IQGAP1: variants seen among roughly 807,000 people sequenced by gnomAD.
IQGAP1 encodes the protein IQ motif containing GTPase activating protein 1.
A neutral mutation model predicts 215.6 loss-of-function variants in IQGAP1; 66 were observed. That is an observed-to-expected ratio of 0.31 (90% CI 0.25 to 0.38). The LOEUF (loss-of-function observed/expected upper bound fraction) is 0.38, where lower values mean the gene tolerates loss of function less well. IQGAP1 is among the 10% of genes least tolerant of loss of function. IQGAP1 has a pLI of 1.00. For missense variants in IQGAP1, 1,712 were observed against 1,997.1 expected, an observed-to-expected ratio of 0.86 and a Z score of 2.72; for synonymous variants, 772 against 728.7, an observed-to-expected ratio of 1.06 and a Z score of -0.96.
At chr15:90,398,849 A>G (rs1020038698) in intron 2 of IQGAP1, among the ~76,000 whole-genome samples, 1 of 152,020 alleles carries the variant, frequency 6.6e-6, no homozygotes, top group Admixed American at 6.6e-5. Context: ...CTAAAAATAC[A>G]AAAAACATTA....
intron 2 of IQGAP1, among the ~76,000 whole-genome samples, chr15:90,403,764 C>G (rs1206472712): frequency 6.6e-6 from 1 of 151,202 alleles, no homozygotes; most frequent in Non-Finnish European, 1.5e-5. Context: ...ACCTCCACCT[C>G]CAGGGTTCAA....
chr15:90,433,265 A>G lies in IQGAP1; in HGVS notation c.391-454A>G, dbSNP rs150330872. On this transcript the variant is annotated intron_variant, in intron 4 of 37. Transcript: ENST00000268182. The stretch of plus-strand genomic sequence containing the variant: ...ATGTCTAAATGTAGCAGGTTGCACA[A>G]ACTAAAGCACTTAGTAAATGTTCAT... 7.9e-3 allele frequency among the ~76,000 whole-genome samples: 1,197 copies of G among 152,290 alleles called. 16 individuals carry two copies. Among genetic ancestry groups the G allele is most frequent in the African/African-American group, 0.027 (1,142 of 41,562 alleles).
chr15:90,448,455 A>G, intron 9 of IQGAP1, 118 bp from the exon 10 acceptor site: 1 of 870,306 alleles, frequency 1.1e-6, no homozygotes, highest in East Asian at 2.9e-5. Flanking sequence ...TCACAGAGTA[A>G]AGGCTCTCTG....
intron 2 of IQGAP1, among the ~76,000 whole-genome samples, chr15:90,394,210 G>A (rs1333723355): frequency 2.0e-5 from 3 of 148,874 alleles, no homozygotes; most frequent in Non-Finnish European, 4.4e-5. Flanking sequence ...TTTTTTAAGG[G>A]AGGGCATAAT....
Position 90,481,953 on chromosome 15 carries a change from T to C in IQGAP1, c.3330-7T>C. ...AACATAGTTGGGTATAATTTCTGTCTTCCCAGCAAACTGCCCTATGATGTG... is the reference window on the plus strand; with the variant it reads ...AACATAGTTGGGTATAATTTCTGTCCTCCCAGCAAACTGCCCTATGATGTG... On this transcript the variant is annotated splice_polypyrimidine_tract_variant and splice_region_variant and intron_variant, in intron 26 of 37. Transcript: ENST00000268182. 2.5e-6 allele frequency: 4 copies of C among 1,614,086 alleles called. No individual in the cohort carries two copies. The highest frequency in any genetic ancestry group is 3.4e-6 in the Non-Finnish European group (4 of 1,179,944).
chr15:90,417,468 G>A lies in IQGAP1; in HGVS notation c.156-8642G>A, dbSNP rs544575180. ...AGCACCATTTATTAAATAGGGAATCGTTTCCCCATTTCTTGTTTTGGTCAG... is the reference window on the plus strand; with the variant it reads ...AGCACCATTTATTAAATAGGGAATCATTTCCCCATTTCTTGTTTTGGTCAG... On this transcript the variant is annotated intron_variant, in intron 2 of 37. Coordinates refer to ENST00000268182, the MANE Select transcript of IQGAP1 (RefSeq NM_003870.4). Among the ~76,000 whole-genome samples the A allele has an allele frequency of 2.4e-3, 372 of 152,210 alleles. 2 individuals carry two copies. Among genetic ancestry groups the A allele is most frequent in the Non-Finnish European group, 3.8e-3 (261 of 68,006 alleles).
intron 2 of IQGAP1, among the ~76,000 whole-genome samples, chr15:90,425,084 C>A (rs1993161): frequency 1.3e-5 from 2 of 151,450 alleles, no homozygotes; most frequent in East Asian, 3.9e-4. Context: ...CTGAGGTGGG[C>A]GGATCACTTG....
At chr15:90,466,550 A>C in intron 17 of IQGAP1, 114 bp downstream of exon 17, 1 of 971,828 alleles carries the variant, frequency 1.0e-6, no homozygotes, top group Non-Finnish European at 1.6e-6. Flanking sequence ...ATAGATGTAC[A>C]GTACTTAGGC....
At position 90,465,399 on chromosome 15, in the gene IQGAP1, C is replaced by CGA. The variant is rs1209398118; in HGVS notation, c.1777-602_1777-601insGA. Among the ~76,000 whole-genome samples, 5 of 152,228 alleles carry CGA rather than the reference C, an allele frequency of 3.3e-5. No homozygotes were observed. The East Asian group carries it at 9.6e-4, about 29-fold the overall frequency. On this transcript the variant is annotated intron_variant, in intron 15 of 37. Transcript: ENST00000268182. Reference sequence around the variant, plus strand: ...TAAAGTCTCTGGACCCCTTCCCAGTCTGTCTGGGCCTCTTGCCCCTTCTAG... The same window carrying CGA: ...TAAAGTCTCTGGACCCCTTCCCAGTCGATGTCTGGGCCTCTTGCCCCTTCTAG...
In IQGAP1 at chr15:90,419,140, G is replaced by GA. The variant is rs200209041; in HGVS notation, c.156-6954dup. Among the ~76,000 whole-genome samples the GA allele has an allele frequency of 4.7e-3, 523 of 112,142 alleles. 4 individuals are homozygous for GA. Among genetic ancestry groups the GA allele is most frequent in the South Asian group, 0.038 (148 of 3,912 alleles). 73.6% of individuals were successfully genotyped at this position (112,142 alleles called of 152,430 possible). ...ACTACATAGACTCTGTCTCAAAAAA[G>GA]AAAAAAAAAAAAAAAAGCCAGAGTA... On this transcript the variant is annotated intron_variant, in intron 2 of 37. Transcript: ENST00000268182.
chr15:90,479,676 G>A (rs1236151252), intron 26 of IQGAP1, among the ~76,000 whole-genome samples: 1 of 151,954 alleles, frequency 6.6e-6, no homozygotes, highest in Non-Finnish European at 1.5e-5. Context: ...AGCATGGGAG[G>A]TTGAGGCTGC....
At chr15:90,442,024 G>C (rs2151019594) in intron 8 of IQGAP1, among the ~76,000 whole-genome samples, 1 of 152,192 alleles carries the variant, frequency 6.6e-6, no homozygotes, top group Middle Eastern at 3.4e-3. Flanking sequence ...GCTCCATTTT[G>C]ACCTCTGCTT....
intron 9 of IQGAP1, among the ~76,000 whole-genome samples, 158 bp from the exon 10 acceptor site, chr15:90,448,415 T>G (rs1411323709): frequency 1.3e-5 from 2 of 152,188 alleles, no homozygotes; most frequent in Non-Finnish European, 2.9e-5. Flanking sequence ...AAGGTTCTTT[T>G]CCAATCCCAA....
chr15:90,409,833 G>T (rs1456459949), intron 2 of IQGAP1, among the ~76,000 whole-genome samples: 1 of 152,042 alleles, frequency 6.6e-6, no homozygotes. Flanking sequence ...TTTTTAATGA[G>T]CGACATTCTA....
At chr15:90,468,570 C>T (rs891192668) in intron 18 of IQGAP1, among the ~76,000 whole-genome samples, 34 of 152,152 alleles carry the variant, frequency 2.2e-4, no homozygotes, top group African/African-American at 7.7e-4. Flanking sequence ...GTGGCTCACA[C>T]CTGTAATCCC....
chr15:90,390,769 T>G lies in IQGAP1; in HGVS notation c.56-5T>G, dbSNP rs1964624371. The stretch of plus-strand genomic sequence containing the variant: ...GGTGTTTACATTCTTTCTTTTATGT[T>G]GTAGCTGTCCTGGATAATGAAAGAC... On this transcript the variant is annotated splice_region_variant and splice_polypyrimidine_tract_variant and intron_variant, in intron 1 of 37. Transcript: ENST00000268182. 1 of 1,592,556 alleles carries G rather than the reference T, an allele frequency of 6.3e-7. No individual in the cohort carries two copies.
chr15:90,467,474 A>G lies in IQGAP1; in HGVS notation c.2060A>G (p.Lys687Arg). 1 of 1,611,782 alleles carries G rather than the reference A, an allele frequency of 6.2e-7. No individual in the cohort carries two copies. Among genetic ancestry groups the G allele is most frequent in the South Asian group, 1.1e-5 (1 of 90,614 alleles). ...GGAGATAATAACAGCAAGTGGGTGA[A>G]GCACTGGGTAAAAGGTGGATATTAT... ...AVGDNNSKWV[K>R]HWVKGGYYYY... The change falls in exon 18 of 38, where the codon AAG (lysine) becomes AGG (arginine). Residue 687 changes from lysine to arginine, a missense_variant. Physicochemically the swap from Lys to Arg is conservative, Grantham distance 26 (BLOSUM62 2). This residue lies in a region of IQGAP1 where 1,021 missense variants were observed against 1,074.2 expected (regional missense o/e 0.95). Coordinates refer to ENST00000268182, the MANE Select transcript of IQGAP1 (RefSeq NM_003870.4).
Position 90,391,829 on chromosome 15 carries a change from C to G in IQGAP1, c.155+956C>G, listed in dbSNP as rs1457026059. On this transcript the variant is annotated intron_variant, in intron 2 of 37. Transcript: ENST00000268182. ...TCCCAGGGTAGATGTAATTATAGAT[C>G]ATGTATTCTATAAGTGAGCTTTGGT... The G allele has an allele frequency of 2.0e-5, 3 of 152,180 alleles. No individual in the cohort carries two copies. In the South Asian group the frequency reaches 6.2e-4, roughly 32 times the overall value. 9.4% of individuals were successfully genotyped at this position (152,180 alleles called of 1,614,324 possible).
intron 19 of IQGAP1, 190 bp downstream of exon 19, chr15:90,473,200 C>T (rs1417698079): frequency 3.5e-6 from 2 of 565,048 alleles, no homozygotes; most frequent in African/African-American, 3.8e-5. Context: ...TTAATGCTGG[C>T]ACAGTGGCAG....
Sources: gnomAD v4.1 joint callset for allele counts (sites outside exome capture counted in the v4.1 genomes callset) on GRCh38, gnomAD v4.1.1 for gene constraint, gnomAD v4.1.1 regional missense constraint, MANE v1.5 for transcripts, NCBI Gene and HGNC (gene_info 2026-07-23, HGNC 2026-07-21) for gene names.